COL5A1: variants seen among roughly 807,000 people sequenced by gnomAD.
COL5A1 encodes the protein collagen type V alpha 1 chain, also known as collagen alpha-1(V) chain.
Under a neutral mutation model 263.7 loss-of-function variants are expected in COL5A1, and 16 were observed. That is an observed-to-expected ratio of 0.06 (90% CI 0.04 to 0.09). The LOEUF (loss-of-function observed/expected upper bound fraction) is 0.09, where lower values mean the gene tolerates loss of function less well. Among genes scored for constraint, COL5A1 ranks in the 10% least tolerant of loss-of-function variants. COL5A1 has a pLI of 1.00. For synonymous variants in COL5A1, 1,012 were observed against 1,004.5 expected (o/e 1.01, Z -0.14); for missense variants, 2,036 against 2,540.5 (o/e 0.80, Z 4.27).
chr9:134,788,942 G>A (rs889208879), intron 31 of COL5A1, among the ~76,000 whole-genome samples: 8 of 149,432 alleles, frequency 5.4e-5, no homozygotes, highest in Admixed American at 2.7e-4. Flanking sequence ...GTAGACAGGC[G>A]GATGAGTGGG....
rs995830372 is a variant in COL5A1, at chr9:134,841,619, C to T, written c.5371-538C>T. Among the ~76,000 whole-genome samples, 1 of 152,178 alleles carries T rather than the reference C, an allele frequency of 6.6e-6. No homozygotes were observed. The highest frequency in any genetic ancestry group is 2.4e-5 in the African/African-American group (1 of 41,434). ...ATACTTGTGGAGGTGAAGACCCAGC[C>T]CACCGAGTGCCTAAGGCAGTGTGTG... On this transcript the variant is annotated intron_variant, in intron 65 of 65. Transcript: ENST00000371817. This position sits in a 1 kb window ranked among gnomAD's most constrained non-coding sequence, Gnocchi z 4.8.
rs778974921 is a variant in COL5A1, at chr9:134,731,534, G to C, written c.1203G>C (p.Glu401Asp). The C allele has an allele frequency of 1.9e-6, 3 of 1,614,132 alleles. No individual in the cohort carries two copies. The highest frequency in any genetic ancestry group is 2.7e-5 in the African/African-American group (2 of 74,946). The change falls in exon 8 of 66, where the codon GAG (glutamate) becomes GAC (aspartate). Residue 401 changes from glutamate (E) to aspartate (D), a missense_variant. This residue lies in a region of COL5A1 where 600 missense variants were observed against 634.5 expected (regional missense o/e 0.95). Coordinates refer to ENST00000371817, the MANE Select transcript of COL5A1 (RefSeq NM_000093.5). Reference protein sequence around the residue: ...PPPGEGADDLEGEFTEETIRN... With the variant: ...PPPGEGADDLDGEFTEETIRN... The stretch of plus-strand genomic sequence containing the variant: ...CAGGGGAAGGTGCGGATGACTTGGA[G>C]GGGGAGTTCACTGAGGAAACGATCC...
intron 42 of COL5A1, among the ~76,000 whole-genome samples, chr9:134,806,710 A>T (rs1838310138): frequency 1.3e-5 from 2 of 152,184 alleles, no homozygotes; most frequent in Admixed American, 6.5e-5. Flanking sequence ...CCACTGTGTG[A>T]ACTGTTCCCT....
rs1489886866 is a variant in COL5A1 at position 134,758,355 on chromosome 9, G to A, written c.1935+59G>A. ...GATGGGCAGCAGAGGTGTCTCTCGG[G>A]AGGCCCTTCTCCTTCCAGGCAGCCT... is the stretch of plus-strand genomic sequence containing the variant. On this transcript the variant is annotated intron_variant, in intron 18 of 65. Transcript: ENST00000371817. This position sits in a 1 kb window ranked among gnomAD's most constrained non-coding sequence, Gnocchi z 4.1. 7 of 1,554,506 alleles carry A rather than the reference G, an allele frequency of 4.5e-6. No individual in the cohort carries two copies. Among genetic ancestry groups the A allele is most frequent in the Non-Finnish European group, 5.3e-6 (6 of 1,126,486 alleles).
At chr9:134,831,367 T>C (rs1839616649) in intron 64 of COL5A1, among the ~76,000 whole-genome samples, 1 of 152,236 alleles carries the variant, frequency 6.6e-6, no homozygotes, top group South Asian at 2.1e-4. Context: ...GCTTCCCGTT[T>C]TGTGGTTTGC....
intron 1 of COL5A1, among the ~76,000 whole-genome samples, chr9:134,670,095 GTCA>G (rs1414677139): frequency 2.0e-5 from 3 of 152,198 alleles, no homozygotes; most frequent in African/African-American, 4.8e-5. Flanking sequence ...ATTTTCTGAT[GTCA>G]TTATCAGCTC....
Position 134,841,525 on chromosome 9 carries a change from G to C in COL5A1, c.5371-632G>C, listed in dbSNP as rs1327218534. On this transcript the variant is annotated intron_variant, in intron 65 of 65. Transcript: ENST00000371817. The surrounding 1 kb of genome is among the most constrained non-coding windows in gnomAD (Gnocchi z 4.8). ...AGGCCAGGTTCATTGCACTACCCCT[G>C]CCCTCTGTGCCTCAGTTTACCTAAG... Among the ~76,000 whole-genome samples, 1 of 152,126 alleles carries C rather than the reference G, an allele frequency of 6.6e-6. No individual in the cohort carries two copies. Among genetic ancestry groups the C allele is most frequent in the African/African-American group, 2.4e-5 (1 of 41,422 alleles).
intron 31 of COL5A1, among the ~76,000 whole-genome samples, chr9:134,788,440 G>A (rs986553799): frequency 6.6e-6 from 1 of 150,958 alleles, no homozygotes; most frequent in South Asian, 2.1e-4. Context: ...GGTTAGGTGG[G>A]TAGGTAGGCA....
rs905218589 is a variant in COL5A1, at chr9:134,678,736, C to A, written c.110-12176C>A. On this transcript the variant is annotated intron_variant, in intron 1 of 65. Coordinates refer to ENST00000371817, the MANE Select transcript of COL5A1 (RefSeq NM_000093.5). This position sits in a 1 kb window ranked among gnomAD's most constrained non-coding sequence, Gnocchi z 5.5. ...TCCACCAGGACTCTCGCAGTGCAGA[C>A]AAAATGAAACTGGCCCTCGCTGGAG... Among the ~76,000 whole-genome samples, 1 of 152,228 alleles carries A rather than the reference C, an allele frequency of 6.6e-6. No individual in the cohort carries two copies. The highest frequency in any genetic ancestry group is 2.4e-5 in the African/African-American group (1 of 41,464).
intron 39 of COL5A1, among the ~76,000 whole-genome samples, chr9:134,803,550 G>A (rs1006479190): frequency 3.3e-5 from 5 of 152,184 alleles, no homozygotes; most frequent in East Asian, 1.9e-4. Flanking sequence ...CAGGAGAATC[G>A]CTTGAACCCG....
intron 1 of COL5A1, among the ~76,000 whole-genome samples, chr9:134,673,447 G>A (rs1182091570): frequency 4.3e-5 from 6 of 139,776 alleles, no homozygotes; most frequent in African/African-American, 1.6e-4. Context: ...GCAATATGGC[G>A]AGACTCCATC....
Position 134,652,647 on chromosome 9 carries a change from A to G in COL5A1, c.109+10351A>G. The G allele has an allele frequency of 2.1e-6, 1 of 470,436 alleles. No individual in the cohort carries two copies. Among genetic ancestry groups the G allele is most frequent in the South Asian group, 1.5e-5 (1 of 64,518 alleles). 29.1% of individuals were successfully genotyped at this position (470,436 alleles called of 1,614,324 possible). Reference sequence around the variant, plus strand: ...CAGCCCCCACCAAAAAGACTGACCCAGCCCGGAGGCTGCAGGAATCGTGGG... The same window carrying G: ...CAGCCCCCACCAAAAAGACTGACCCGGCCCGGAGGCTGCAGGAATCGTGGG... On this transcript the variant is annotated intron_variant, in intron 1 of 65. Transcript: ENST00000371817. The surrounding 1 kb of genome is among the most constrained non-coding windows in gnomAD (Gnocchi z 4.4).
chr9:134,721,889 C>T (rs1834475958), intron 4 of COL5A1, among the ~76,000 whole-genome samples: 2 of 152,216 alleles, frequency 1.3e-5, no homozygotes, highest in Non-Finnish European at 2.9e-5. Context: ...TTCAGGGTCC[C>T]CTCCCTCACC....
rs1160386424 is a variant in COL5A1 at position 134,680,510 on chromosome 9, G to A, written c.110-10402G>A. Among the ~76,000 whole-genome samples, 2 of 152,232 alleles carry A rather than the reference G, an allele frequency of 1.3e-5. No individual in the cohort carries two copies. The highest frequency in any genetic ancestry group is 4.8e-5 in the African/African-American group (2 of 41,464). On this transcript the variant is annotated intron_variant, in intron 1 of 65. Coordinates refer to ENST00000371817, the MANE Select transcript of COL5A1 (RefSeq NM_000093.5). The surrounding 1 kb of genome is among the most constrained non-coding windows in gnomAD (Gnocchi z 5.9). ...TGAGGACACCAACCTGGTCCCCGCT[G>A]TGGAGGGCGGAGCTGGCATCCTGAC...
chr9:134,835,526 C>T (rs1211151028), intron 65 of COL5A1, among the ~76,000 whole-genome samples: 4 of 152,230 alleles, frequency 2.6e-5, no homozygotes, highest in African/African-American at 9.6e-5. Flanking sequence ...GTTGTGGTTC[C>T]AGTTTGGAGC....
intron 25 of COL5A1, among the ~76,000 whole-genome samples, chr9:134,771,100 A>G (rs1836852179): frequency 6.6e-6 from 1 of 152,182 alleles, no homozygotes; most frequent in Non-Finnish European, 1.5e-5. Context: ...CTGTGTGCAG[A>G]TGTGCTGTTA....
chr9:134,823,637 T>C (rs977211492), intron 61 of COL5A1, among the ~76,000 whole-genome samples, 168 bp downstream of exon 61: 1 of 152,200 alleles, frequency 6.6e-6, no homozygotes, highest in Admixed American at 6.5e-5. Flanking sequence ...CACACAGGTC[T>C]ATCACAGGAA....
At position 134,796,895 on chromosome 9, in the gene COL5A1, C is replaced by T. The variant is rs78511105; in HGVS notation, c.2892C>T (p.Gly964=). ...CCACAGGATTTCCTGGACCAAAGGG[C>T]CCCCCTGTAAGTAATGGCTTCCTTG... ...QGPTGFPGPK[G]PPGPPGKDGL... Residue 964 remains glycine (G), a synonymous_variant, in exon 36 of 66, where the codon GGC becomes GGT. Coordinates refer to ENST00000371817, the MANE Select transcript of COL5A1 (RefSeq NM_000093.5). The T allele has an allele frequency of 0.039, 63,724 of 1,613,330 alleles. 1,446 individuals are homozygous for T. The highest frequency in any genetic ancestry group is 0.078 in the South Asian group (7,056 of 91,036).
Position 134,700,214 on chromosome 9 carries a change from C to A in COL5A1, c.491+92C>A. 2.4e-6 allele frequency: 3 copies of A among 1,234,506 alleles called. No homozygotes were observed. Among genetic ancestry groups the A allele is most frequent in the Non-Finnish European group, 3.4e-6 (3 of 871,724 alleles). 76.5% of individuals were successfully genotyped at this position (1,234,506 alleles called of 1,614,324 possible). ...ACCAGATGTGGGGCACAGTAGAGGA[C>A]GTGCAGCAGCCGGTACTGAGACTCC... On this transcript the variant is annotated intron_variant, in intron 3 of 65. Coordinates refer to ENST00000371817, the MANE Select transcript of COL5A1 (RefSeq NM_000093.5). This position sits in a 1 kb window ranked among gnomAD's most constrained non-coding sequence, Gnocchi z 4.0.
Sources: allele counts gnomAD v4.1 joint callset (sites outside exome capture counted in the v4.1 genomes callset), GRCh38; gene constraint gnomAD v4.1.1; regional missense constraint gnomAD v4.1.1; non-coding constraint Gnocchi (gnomAD v3.1); transcripts MANE v1.5; gene names NCBI Gene and HGNC (gene_info 2026-07-23, HGNC 2026-07-21).